Variants in DLG2 observed in about 807,000 individuals in gnomAD.
The protein encoded by DLG2 is discs large MAGUK scaffold protein 2.
In DLG2, 45 loss-of-function variants were observed where a neutral mutation model predicts 132.5. The observed-to-expected ratio is 0.34, with a 90% CI of 0.27 to 0.44. DLG2 has a LOEUF of 0.44. DLG2 is among the 20% of genes least tolerant of loss of function. DLG2 has a pLI of 1.00. For synonymous variants in DLG2, 424 were observed against 419.6 expected (o/e 1.01, Z -0.13); for missense variants, 1,045 against 1,196.9 (o/e 0.87, Z 1.87).
intron 6 of DLG2, among the ~76,000 whole-genome samples, chr11:85,029,585 A>C (rs1242222575): frequency 6.6e-6 from 1 of 152,216 alleles, no homozygotes; most frequent in Non-Finnish European, 1.5e-5. Flanking sequence ...AGGCCCCTCC[A>C]ATGTGTGGGG....
At chr11:84,779,692 G>T (rs2071360540) in intron 6 of DLG2, among the ~76,000 whole-genome samples, 1 of 151,996 alleles carries the variant, frequency 6.6e-6, no homozygotes, top group African/African-American at 2.4e-5. Context: ...TGAAAAAGGA[G>T]ACATTAAAAT....
intron 3 of DLG2, among the ~76,000 whole-genome samples, chr11:85,339,104 A>C (rs2082317369): frequency 6.6e-6 from 1 of 152,150 alleles, no homozygotes; most frequent in Non-Finnish European, 1.5e-5. Flanking sequence ...TAAAGAGTAG[A>C]ATATTATATT....
rs139098456 is a variant in DLG2, at chr11:84,336,577, C to T, written c.520-85286G>A. Among the ~76,000 whole-genome samples, 350 of 152,296 alleles carry T rather than the reference C, an allele frequency of 2.3e-3. 1 individual carries two copies. The highest frequency in any genetic ancestry group is 7.9e-3 in the African/African-American group (330 of 41,570). On this transcript the variant is annotated intron_variant, in intron 7 of 27. Coordinates refer to ENST00000376104, the MANE Select transcript of DLG2 (RefSeq NM_001142699.3). ...TAGTCACATGGATTAACTTCCTTTC[C>T]TGGCTTCCTATGTTTGACCCATTTT...
intron 8 of DLG2, among the ~76,000 whole-genome samples, chr11:84,203,485 G>A (rs1025278972): frequency 5.3e-5 from 8 of 151,616 alleles, no homozygotes; most frequent in African/African-American, 1.9e-4. Context: ...GGGAGGCTGG[G>A]GCAGGAGAAT....
At chr11:84,376,712 T>TAA (rs1366887637) in intron 7 of DLG2, among the ~76,000 whole-genome samples, 1 of 147,090 alleles carries the variant, frequency 6.8e-6, no homozygotes, top group African/African-American at 2.5e-5. Context: ...AATGGAAAAT[T>TAA]AAAAAAAAAA....
intron 7 of DLG2, among the ~76,000 whole-genome samples, chr11:84,487,806 G>T (rs1156782623): frequency 6.6e-6 from 1 of 152,094 alleles, no homozygotes; most frequent in Non-Finnish European, 1.5e-5. Flanking sequence ...CACTAAAATG[G>T]CATTGAAAAA....
chr11:84,682,595 G>C (rs2099734445), intron 6 of DLG2, among the ~76,000 whole-genome samples: 1 of 152,100 alleles, frequency 6.6e-6, no homozygotes, highest in Admixed American at 6.5e-5. Context: ...AACAGCTCTG[G>C]GTGAAGATCT....
chr11:84,795,084 C>A (rs947780441), intron 6 of DLG2, among the ~76,000 whole-genome samples: 1 of 152,248 alleles, frequency 6.6e-6, no homozygotes, highest in Non-Finnish European at 1.5e-5. Flanking sequence ...ACACATGGTG[C>A]TTTTTCCCAC....
chr11:84,928,052 T>G (rs1468675103), intron 6 of DLG2, among the ~76,000 whole-genome samples: 3 of 151,746 alleles, frequency 2.0e-5, no homozygotes. Flanking sequence ...TAGGAAGATA[T>G]CAACTCCAGA....
chr11:83,709,304 C>T (rs975758807), intron 18 of DLG2, among the ~76,000 whole-genome samples: 9 of 144,540 alleles, frequency 6.2e-5, no homozygotes, highest in East Asian at 4.0e-4. Flanking sequence ...TATACATATA[C>T]GTATATATGT....
chr11:83,968,313 C>T (rs532135949), intron 12 of DLG2, among the ~76,000 whole-genome samples: 19 of 152,278 alleles, frequency 1.2e-4, no homozygotes, highest in Middle Eastern at 3.4e-3. Context: ...GAGAATTGAA[C>T]CTGACTGATG....
intron 11 of DLG2, among the ~76,000 whole-genome samples, chr11:84,045,632 T>G (rs1300449782): frequency 1.3e-5 from 2 of 151,706 alleles, no homozygotes; most frequent in Non-Finnish European, 3.0e-5. Context: ...CTCACTATGG[T>G]CTGTGCTTAC....
Position 83,949,281 on chromosome 11 carries a change from T to C in DLG2, c.1340+13604A>G, listed in dbSNP as rs969655360. ...CTCAATAAATGGTGTTCCTTTCCCA[T>C]AGCTCTTTAAGATTCAATACCATGT... On this transcript the variant is annotated intron_variant, in intron 14 of 27. Transcript: ENST00000376104. 1.6e-4 allele frequency among the ~76,000 whole-genome samples: 25 copies of C among 152,162 alleles called. 1 individual carries two copies. Among genetic ancestry groups the C allele is most frequent in the African/African-American group, 5.5e-4 (23 of 41,468 alleles).
At chr11:85,077,947 C>T (rs1017906602) in intron 6 of DLG2, among the ~76,000 whole-genome samples, 6 of 127,816 alleles carry the variant, frequency 4.7e-5, no homozygotes, top group Admixed American at 3.2e-4. Context: ...ATCCAAGAAG[C>T]TGTAAATGCT....
At chr11:84,311,627 C>T (rs930704945) in intron 7 of DLG2, among the ~76,000 whole-genome samples, 6 of 152,194 alleles carry the variant, frequency 3.9e-5, no homozygotes, top group Non-Finnish European at 7.3e-5. Context: ...AACCAGCTGT[C>T]TTACAAACAG....
chr11:84,650,863 G>GTATATATATTTTATATA (rs1417830252), intron 6 of DLG2, among the ~76,000 whole-genome samples: 1 of 92,250 alleles, frequency 1.1e-5, no homozygotes, highest in Non-Finnish European at 2.3e-5. Context: ...GTGTGTGTGT[G>GTATATATATTTTATATA]TGTGTGTGTG....
chr11:83,687,870 C>A (rs1181709999), intron 18 of DLG2, among the ~76,000 whole-genome samples: 1 of 152,012 alleles, frequency 6.6e-6, no homozygotes, highest in Non-Finnish European at 1.5e-5. Flanking sequence ...GTCATGATGG[C>A]ATACATCTGA....
chr11:83,906,851 C>T (rs1051376568), intron 15 of DLG2, among the ~76,000 whole-genome samples: 3 of 152,136 alleles, frequency 2.0e-5, no homozygotes, highest in African/African-American at 7.2e-5. Context: ...CACTTAATAA[C>T]CACATTATCA....
chr11:83,575,915 ATGAC>A (rs1441994215), intron 19 of DLG2, among the ~76,000 whole-genome samples: 1 of 152,208 alleles, frequency 6.6e-6, no homozygotes, highest in Non-Finnish European at 1.5e-5. Context: ...GTAGAACAAT[ATGAC>A]TGACAATGGG....
Sources: allele counts gnomAD v4.1 joint callset (sites outside exome capture counted in the v4.1 genomes callset), GRCh38; gene constraint gnomAD v4.1.1; transcripts MANE v1.5; gene names NCBI Gene and HGNC (gene_info 2026-07-23, HGNC 2026-07-21).